GPC5: variants seen among roughly 807,000 people sequenced by gnomAD.
GPC5 encodes the protein glypican 5.
Under a neutral mutation model 53.9 loss-of-function variants are expected in GPC5, and 47 were observed. The observed-to-expected ratio is 0.87, with a 90% CI of 0.69 to 1.11. The LOEUF (loss-of-function observed/expected upper bound fraction) is 1.11. Among genes scored for constraint, GPC5 ranks in the 50% most tolerant of loss-of-function variants. The pLI, the probability that GPC5 is intolerant of heterozygous loss-of-function variation, is 0.00. For synonymous variants in GPC5, 286 were observed against 263.3 expected (o/e 1.09, Z -0.84); for missense variants, 748 against 713.1 (o/e 1.05, Z -0.56).
At chr13:91,913,542 A>C (rs1432490792) in intron 6 of GPC5, among the ~76,000 whole-genome samples, 2 of 151,920 alleles carry the variant, frequency 1.3e-5, no homozygotes, top group African/African-American at 4.8e-5. Context: ...ACACCCCCTC[A>C]AAAAAAAGCT....
At chr13:91,413,145 G>C (rs1266746095) in intron 1 of GPC5, among the ~76,000 whole-genome samples, 1 of 152,168 alleles carries the variant, frequency 6.6e-6, no homozygotes, top group Non-Finnish European at 1.5e-5. Flanking sequence ...ACCAGGTGTA[G>C]TGTTGTACAC....
At chr13:92,590,432 C>T (rs1883677561) in intron 7 of GPC5, among the ~76,000 whole-genome samples, 1 of 152,178 alleles carries the variant, frequency 6.6e-6, no homozygotes, top group African/African-American at 2.4e-5. Flanking sequence ...AGACTGCGCA[C>T]AGGAGACCTT....
intron 4 of GPC5, among the ~76,000 whole-genome samples, chr13:91,742,987 G>A (rs1046173506): frequency 1.1e-4 from 17 of 151,958 alleles, no homozygotes; most frequent in East Asian, 1.9e-4. Context: ...CTATGTAGGC[G>A]CTTTGCCGAA....
chr13:92,834,996 C>T (rs772732185), intron 7 of GPC5, among the ~76,000 whole-genome samples: 1 of 152,088 alleles, frequency 6.6e-6, no homozygotes, highest in Non-Finnish European at 1.5e-5. Context: ...CTGTCAATTT[C>T]TTCTCTCTCG....
At chr13:92,713,737 T>C (rs572511188) in intron 7 of GPC5, among the ~76,000 whole-genome samples, 1 of 152,114 alleles carries the variant, frequency 6.6e-6, no homozygotes, top group Non-Finnish European at 1.5e-5. Flanking sequence ...TTATTTCTTA[T>C]TGAGACCTAT....
rs77065183 is a variant in GPC5 at position 91,440,890 on chromosome 13, G to A, written c.164-7871G>A. Among the ~76,000 whole-genome samples the A allele has an allele frequency of 2.7e-3, 408 of 152,310 alleles. 2 individuals carry two copies. Among genetic ancestry groups the A allele is most frequent in the African/African-American group, 9.5e-3 (395 of 41,554 alleles). On this transcript the variant is annotated intron_variant, in intron 1 of 7. Coordinates refer to ENST00000377067, the MANE Select transcript of GPC5 (RefSeq NM_004466.6). The stretch of plus-strand genomic sequence containing the variant: ...TATGTGAGGTATGGTTCAGGGGTCA[G>A]CCAGAGGTTGGGCAGAGTTTACACA...
At chr13:92,286,383 G>T (rs1358132378) in intron 7 of GPC5, among the ~76,000 whole-genome samples, 1 of 151,968 alleles carries the variant, frequency 6.6e-6, no homozygotes, top group African/African-American at 2.4e-5. Context: ...ATCCCATTAC[G>T]GGTATATACC....
chr13:92,474,469 C>T (rs550742883), intron 7 of GPC5, among the ~76,000 whole-genome samples: 2 of 151,988 alleles, frequency 1.3e-5, no homozygotes, highest in Admixed American at 6.6e-5. Flanking sequence ...AATAGATCTT[C>T]AAATTATGAC....
intron 6 of GPC5, among the ~76,000 whole-genome samples, chr13:92,020,767 C>T (rs2040751189): frequency 6.7e-6 from 1 of 149,720 alleles, no homozygotes; most frequent in Non-Finnish European, 1.5e-5. Context: ...CAAATATTGT[C>T]ACCCATTCTG....
At chr13:91,971,670 T>A (rs9556134) in intron 6 of GPC5, among the ~76,000 whole-genome samples, 1 of 152,196 alleles carries the variant, frequency 6.6e-6, no homozygotes, top group Non-Finnish European at 1.5e-5. Flanking sequence ...GTTGTGTCTT[T>A]GTTCTCATTG....
At chr13:92,477,044 TAATAAA>T (rs1566607629) in intron 7 of GPC5, among the ~76,000 whole-genome samples, 80 of 129,988 alleles carry the variant, frequency 6.2e-4, no homozygotes, top group African/African-American at 2.2e-3. Context: ...TAAAGTATAA[TAATAAA>T]AAATAAATAA....
chr13:92,442,595 A>C (rs912839338), intron 7 of GPC5, among the ~76,000 whole-genome samples: 2 of 152,182 alleles, frequency 1.3e-5, no homozygotes, highest in Non-Finnish European at 1.5e-5. Flanking sequence ...CAAAAATAGT[A>C]GATAAGAATG....
intron 7 of GPC5, among the ~76,000 whole-genome samples, chr13:92,155,082 C>T (rs1014229992): frequency 3.3e-5 from 5 of 152,150 alleles, no homozygotes; most frequent in Non-Finnish European, 7.4e-5. Context: ...CTATATAATG[C>T]TCACTATTTG....
At chr13:92,583,518 AG>A (rs551318673) in intron 7 of GPC5, among the ~76,000 whole-genome samples, 65 of 152,182 alleles carry the variant, frequency 4.3e-4, no homozygotes, top group Non-Finnish European at 9.0e-4. Context: ...AAGTTAGTGA[AG>A]TGCCCTGTTC....
At chr13:92,372,465 T>C (rs2043658684) in intron 7 of GPC5, among the ~76,000 whole-genome samples, 1 of 152,334 alleles carries the variant, frequency 6.6e-6, no homozygotes, top group Non-Finnish European at 1.5e-5. Context: ...ACTCTTTTTA[T>C]GATATCAGTG....
At chr13:91,410,356 T>C (rs1470040287) in intron 1 of GPC5, among the ~76,000 whole-genome samples, 1 of 144,908 alleles carries the variant, frequency 6.9e-6, no homozygotes, top group Non-Finnish European at 1.5e-5. Context: ...TTTTTTTTTT[T>C]TTTTTTTGAG....
intron 6 of GPC5, among the ~76,000 whole-genome samples, chr13:92,113,580 T>C (rs949097840): frequency 6.6e-6 from 1 of 152,152 alleles, no homozygotes; most frequent in African/African-American, 2.4e-5. Context: ...AACTTTTATC[T>C]TGTGACCTGG....
intron 7 of GPC5, among the ~76,000 whole-genome samples, chr13:92,567,989 T>C (rs543310004): frequency 6.6e-6 from 1 of 152,224 alleles, no homozygotes; most frequent in South Asian, 2.1e-4. Context: ...TTCAGGTTAT[T>C]GGCTGAGCAA....
At chr13:91,678,424 G>T (rs561858267) in intron 2 of GPC5, among the ~76,000 whole-genome samples, 1 of 152,152 alleles carries the variant, frequency 6.6e-6, no homozygotes, top group Non-Finnish European at 1.5e-5. Context: ...AAACTCCTTA[G>T]CCATTGCTAT....
Sources: allele counts gnomAD v4.1 joint callset (sites outside exome capture counted in the v4.1 genomes callset), GRCh38; gene constraint gnomAD v4.1.1; transcripts MANE v1.5; gene names NCBI Gene and HGNC (gene_info 2026-07-23, HGNC 2026-07-21).